Variants in DGKB observed in about 807,000 individuals in gnomAD.
DGKB encodes the protein 90 kDa diacylglycerol kinase.
Under a neutral mutation model 114.3 loss-of-function variants are expected in DGKB, and 67 were observed. The observed-to-expected ratio is 0.59, with a 90% confidence interval of 0.48 to 0.72. DGKB has a LOEUF of 0.72. Among genes scored for constraint, DGKB ranks in the 30% least tolerant of loss-of-function variants. The pLI, the probability that DGKB is intolerant of heterozygous loss-of-function variation, is 0.00. For synonymous variants in DGKB, 398 were observed against 323.1 expected, an observed-to-expected ratio of 1.23 and a Z score of -2.49; for missense variants, 907 against 975.2, an observed-to-expected ratio of 0.93 and a Z score of 0.93.
intron 23 of DGKB, among the ~76,000 whole-genome samples, chr7:14,185,624 A>G (rs1402407489): frequency 6.6e-6 from 1 of 152,230 alleles, no homozygotes; most frequent in Non-Finnish European, 1.5e-5. Context: ...ACTATACTGT[A>G]AGGCCATAGT....
At chr7:14,732,258 A>G (rs1831034718) in intron 5 of DGKB, among the ~76,000 whole-genome samples, 1 of 151,800 alleles carries the variant, frequency 6.6e-6, no homozygotes, top group South Asian at 2.1e-4. Context: ...GTTGCTGTAT[A>G]GAGTAAAAGA....
intron 1 of DGKB, among the ~76,000 whole-genome samples, chr7:14,897,945 T>C (rs960185532): frequency 1.3e-5 from 2 of 152,038 alleles, no homozygotes; most frequent in Non-Finnish European, 2.9e-5. Flanking sequence ...TCCAATATTA[T>C]ATTAGACACT....
At chr7:14,901,884 A>G (rs1252213787) in intron 1 of DGKB, among the ~76,000 whole-genome samples, 7 of 152,112 alleles carry the variant, frequency 4.6e-5, no homozygotes, top group Admixed American at 2.0e-4. Context: ...CTGCCAGTGA[A>G]CACAATGCTG....
intron 17 of DGKB, among the ~76,000 whole-genome samples, chr7:14,588,448 A>G (rs776435096): frequency 6.6e-6 from 1 of 152,040 alleles, no homozygotes; most frequent in South Asian, 2.1e-4. Flanking sequence ...CAGAATTCAC[A>G]TACACTCTCT....
At chr7:14,408,185 G>A (rs1228332724) in intron 21 of DGKB, among the ~76,000 whole-genome samples, 1 of 152,112 alleles carries the variant, frequency 6.6e-6, no homozygotes, top group Non-Finnish European at 1.5e-5. Context: ...CTCAGTTGAA[G>A]TTTTGGTCTC....
chr7:14,427,591 A>G (rs183949924), intron 21 of DGKB, among the ~76,000 whole-genome samples: 2 of 152,260 alleles, frequency 1.3e-5, no homozygotes, highest in East Asian at 3.9e-4. Context: ...TGATTTACAA[A>G]AGAAAGAGTT....
intron 1 of DGKB, among the ~76,000 whole-genome samples, chr7:14,918,295 T>G (rs1247396845): frequency 6.6e-6 from 1 of 151,938 alleles, no homozygotes; most frequent in African/African-American, 2.4e-5. Flanking sequence ...TACTGGGAAG[T>G]AAAAAACAAA....
chr7:14,495,929 A>C (rs1371272512), intron 20 of DGKB, among the ~76,000 whole-genome samples: 3 of 151,840 alleles, frequency 2.0e-5, no homozygotes, highest in East Asian at 3.9e-4. Flanking sequence ...CACACAAAAA[A>C]AAGAGACAAG....
intron 23 of DGKB, among the ~76,000 whole-genome samples, chr7:14,265,519 A>G (rs1305209047): frequency 6.6e-6 from 1 of 151,340 alleles, no homozygotes; most frequent in Non-Finnish European, 1.5e-5. Context: ...GCTAATTCCC[A>G]CATGCCCTTC....
intron 13 of DGKB, among the ~76,000 whole-genome samples, chr7:14,653,842 T>C (rs756325253): frequency 6.6e-6 from 1 of 151,972 alleles, no homozygotes; most frequent in Non-Finnish European, 1.5e-5. Flanking sequence ...AATTTCTTCA[T>C]CATAAAGTCT....
chr7:14,457,709 C>A (rs545147020), intron 21 of DGKB, among the ~76,000 whole-genome samples: 16 of 152,258 alleles, frequency 1.1e-4, no homozygotes, highest in African/African-American at 3.9e-4. Context: ...ATCAAAAGCT[C>A]CTTAATTAGT....
chr7:14,863,564 G>T (rs1401086354), intron 1 of DGKB, among the ~76,000 whole-genome samples: 1 of 151,880 alleles, frequency 6.6e-6, no homozygotes, highest in Non-Finnish European at 1.5e-5. Context: ...TACTTACAGT[G>T]CTACCTAAAT....
In DGKB at chr7:14,637,628, A is replaced by G. The variant is rs535831828; in HGVS notation, c.1135-7360T>C. 4.0e-5 allele frequency among the ~76,000 whole-genome samples: 6 copies of G among 151,654 alleles called. No individual in the cohort carries two copies. The South Asian group carries it at 1.2e-3, about 31-fold the overall frequency. ...TACCTATATATGTGTATATACACAT[A>G]TATACATATATATATATGCATGTTG... On this transcript the variant is annotated intron_variant, in intron 13 of 25. Coordinates refer to ENST00000402815, the MANE Select transcript of DGKB (RefSeq NM_001350709.2).
chr7:14,796,439 C>A (rs895326364), intron 2 of DGKB, among the ~76,000 whole-genome samples: 5 of 152,058 alleles, frequency 3.3e-5, no homozygotes, highest in Admixed American at 2.6e-4. Flanking sequence ...GCAGACCAGA[C>A]CAAAGCTTTC....
intron 2 of DGKB, among the ~76,000 whole-genome samples, chr7:14,782,033 T>C (rs1036688547): frequency 6.6e-6 from 1 of 152,196 alleles, no homozygotes; most frequent in Admixed American, 6.5e-5. Flanking sequence ...GGAATTATTT[T>C]ATTTCATTTG....
intron 20 of DGKB, among the ~76,000 whole-genome samples, chr7:14,551,457 G>GCC (rs1795093631): frequency 1.3e-5 from 2 of 152,170 alleles, no homozygotes; most frequent in Non-Finnish European, 2.9e-5. Context: ...TGCCTTGCTT[G>GCC]TTTCTTCTCG....
In DGKB at chr7:14,574,372, CCTAGTGGG is replaced by C. The variant is rs1341967733; in HGVS notation, c.1610-8_1610-1del. On this transcript the variant is annotated splice_acceptor_variant and splice_polypyrimidine_tract_variant and intron_variant, in intron 19 of 25. Transcript: ENST00000402815. LOFTEE classifies it high-confidence loss of function. ...TTTCATCAGATTCTCACCTTCGTAA[CCTAGTGGG>C]AAAAAAAAATACCTTGAGAAAAGAA... 1 of 1,599,138 alleles carries C rather than the reference CCTAGTGGG, an allele frequency of 6.3e-7. No individual in the cohort carries two copies. Among genetic ancestry groups the C allele is most frequent in the African/African-American group, 1.4e-5 (1 of 73,360 alleles).
At chr7:14,810,951 T>C (rs1471928981) in intron 2 of DGKB, among the ~76,000 whole-genome samples, 1 of 152,146 alleles carries the variant, frequency 6.6e-6, no homozygotes, top group African/African-American at 2.4e-5. Context: ...TTTATATTTA[T>C]GGGACATTTC....
At chr7:14,480,035 G>A (rs891506140) in intron 20 of DGKB, among the ~76,000 whole-genome samples, 29 of 151,804 alleles carry the variant, frequency 1.9e-4, no homozygotes, top group Non-Finnish European at 3.1e-4. Context: ...AAAATAGATT[G>A]TGTAGTACAA....
Sources: gnomAD v4.1 joint callset for allele counts (sites outside exome capture counted in the v4.1 genomes callset) on GRCh38, gnomAD v4.1.1 for gene constraint, MANE v1.5 for transcripts, NCBI Gene and HGNC (gene_info 2026-07-23, HGNC 2026-07-21) for gene names.